The following CFAP44 variants were observed in gnomAD, a reference collection of about 807,000 sequenced individuals.
The protein encoded by CFAP44 is cilia and flagella associated protein 44, also known as cilia- and flagella-associated protein 44.
CFAP44 carries 134 observed loss-of-function variants against 216.2 expected under a neutral mutation model. The observed-to-expected ratio is 0.62, with a 90% confidence interval of 0.54 to 0.72. The LOEUF is 0.72. CFAP44 is among the 30% of genes least tolerant of loss of function. The pLI is 0.00. For synonymous variants in CFAP44, 700 were observed against 727.6 expected, an observed-to-expected ratio of 0.96 and a Z score of 0.61; for missense variants, 2,035 against 2,182.1, an observed-to-expected ratio of 0.93 and a Z score of 1.34.
At position 113,429,723 on chromosome 3, in the gene CFAP44, C is replaced by T. The variant is rs138671839; in HGVS notation, c.101-2384G>A. The stretch of plus-strand genomic sequence containing the variant: ...TTTTCTCCTCCTACCTGTCCTTTTT[C>T]CCTCTTTTTCTCTTTCCATGTTTTC... On this transcript the variant is annotated intron_variant, in intron 2 of 34. Transcript: ENST00000393845. Among the ~76,000 whole-genome samples, 537 of 151,824 alleles carry T rather than the reference C, an allele frequency of 3.5e-3. 3 individuals are homozygous for T. The highest frequency in any genetic ancestry group is 0.012 in the African/African-American group (515 of 41,432).
In CFAP44 at chr3:113,327,777, G is replaced by A. The variant is rs1484215550; in HGVS notation, c.4159C>T (p.Leu1387Phe). 8 of 1,536,832 alleles carry A rather than the reference G, an allele frequency of 5.2e-6. No individual in the cohort carries two copies. In the East Asian group the frequency reaches 1.5e-4, roughly 28 times the overall value. ...VVTFDAELRL[L>F]RHQKLKLDTQ... Reference sequence around the variant, plus strand: ...TCTAGTTTTAGTTTCTGATGTCTAAGGAGACGGAGTTCTGCATCGAAAGTG... The same window carrying A: ...TCTAGTTTTAGTTTCTGATGTCTAAAGAGACGGAGTTCTGCATCGAAAGTG... The change falls in exon 27 of 35, where the codon CTT becomes TTT. Residue 1387 changes from leucine (L) to phenylalanine (F), a missense_variant. Coordinates refer to ENST00000393845, the MANE Select transcript of CFAP44 (RefSeq NM_001164496.2).
At chr3:113,292,584 T>G (rs945621591) in intron 34 of CFAP44, among the ~76,000 whole-genome samples, 1 of 152,204 alleles carries the variant, frequency 6.6e-6, no homozygotes, top group African/African-American at 2.4e-5. Flanking sequence ...ATCCCCAAAA[T>G]GACTCTGAAC....
chr3:113,337,282 C>A (rs900061343), intron 24 of CFAP44, among the ~76,000 whole-genome samples: 2 of 151,710 alleles, frequency 1.3e-5, no homozygotes, highest in African/African-American at 4.8e-5. Context: ...CTGAAAACAG[C>A]AAAACACTGA....
intron 25 of CFAP44, 138 bp downstream of exon 25, chr3:113,333,268 C>A: frequency 1.3e-6 from 1 of 758,618 alleles, no homozygotes; most frequent in Non-Finnish European, 2.1e-6. Context: ...TCTAGATAAT[C>A]ATGGAAGTCT....
intron 22 of CFAP44, among the ~76,000 whole-genome samples, chr3:113,347,250 C>G (rs990904148): frequency 2.0e-5 from 3 of 152,220 alleles, no homozygotes; most frequent in Admixed American, 6.5e-5. Flanking sequence ...TGCCTGGAAA[C>G]AGCTTCCGCT....
rs540495279 is a variant in CFAP44, at chr3:113,372,531, A to G, written c.2444+880T>C. Among the ~76,000 whole-genome samples the G allele has an allele frequency of 8.8e-4, 134 of 152,330 alleles. 6 individuals carry two copies. In the South Asian group the frequency reaches 0.026, roughly 30 times the overall value. On this transcript the variant is annotated intron_variant, in intron 18 of 34. Coordinates refer to ENST00000393845, the MANE Select transcript of CFAP44 (RefSeq NM_001164496.2). ...ACTCATAGGTGGGAATTGAACAATG[A>G]GAACACATGGACACAGGGTAGGGAA... is the stretch of plus-strand genomic sequence containing the variant.
chr3:113,328,728 A>G (rs1289514942), intron 26 of CFAP44, among the ~76,000 whole-genome samples: 1 of 137,472 alleles, frequency 7.3e-6, no homozygotes, highest in South Asian at 2.3e-4. Context: ...AAAAAAAAAA[A>G]CAGAGAGAGA....
intron 9 of CFAP44, among the ~76,000 whole-genome samples, chr3:113,402,853 G>T (rs975785512): frequency 2.0e-5 from 3 of 152,068 alleles, no homozygotes; most frequent in African/African-American, 7.2e-5. Context: ...TAGACATTTT[G>T]GGGTAACGTA....
In CFAP44 at chr3:113,409,110, T is replaced by C; in HGVS notation, c.886A>G (p.Ile296Val). 6.2e-7 allele frequency: 1 copy of C among 1,613,022 alleles called. No individual in the cohort carries two copies. Among genetic ancestry groups the C allele is most frequent in the Non-Finnish European group, 8.5e-7 (1 of 1,179,710 alleles). Residue 296 changes from isoleucine (I) to valine (V), a missense_variant, in exon 7 of 35, where the codon ATC becomes GTC. Physicochemically the swap from Ile to Val is conservative, Grantham distance 29. Around this residue, in one of 3 missense-constraint regions of CFAP44, gnomAD observed 1,883 missense variants for 2,023.7 expected, o/e 0.93. Transcript: ENST00000393845. Reference protein sequence around the residue: ...EQLTTSGSGHIKFWEMAFTFT... With the variant: ...EQLTTSGSGHVKFWEMAFTFT... ...TCTATTGGTTACCCAACCTACTTGA[T>C]GTGGCCTGATCCCGATGTAGTAAGC...
intron 1 of CFAP44, chr3:113,434,513 G>A (rs2107417900): frequency 6.6e-6 from 1 of 152,256 alleles, no homozygotes; most frequent in South Asian, 2.1e-4. Flanking sequence ...CCATTAAAGG[G>A]TTTTAAAGAG....
chr3:113,377,935 G>A (rs1356018099), intron 17 of CFAP44, among the ~76,000 whole-genome samples: 5 of 152,162 alleles, frequency 3.3e-5, no homozygotes, highest in Admixed American at 2.0e-4. Flanking sequence ...ACAGGTGTGA[G>A]CCACTGCACC....
At chr3:113,334,521 C>G (rs893301210) in intron 24 of CFAP44, among the ~76,000 whole-genome samples, 4 of 151,874 alleles carry the variant, frequency 2.6e-5, no homozygotes, top group African/African-American at 7.3e-5. Flanking sequence ...AACTATAGCC[C>G]AGAATACCCA....
chr3:113,358,702 T>C (rs756870742), intron 22 of CFAP44, 43 bp downstream of exon 22: 1 of 1,533,862 alleles, frequency 6.5e-7, no homozygotes, highest in Non-Finnish European at 8.7e-7. Context: ...TATTCACACA[T>C]GTGCTCTCAA....
intron 30 of CFAP44, among the ~76,000 whole-genome samples, chr3:113,305,562 T>C (rs1278389937): frequency 6.6e-6 from 1 of 152,234 alleles, no homozygotes; most frequent in Non-Finnish European, 1.5e-5. Flanking sequence ...AACTATAGTA[T>C]TTCTAAAGCA....
At chr3:113,353,779 C>A (rs763805) in intron 22 of CFAP44, among the ~76,000 whole-genome samples, 28,234 of 151,942 alleles carry the variant, frequency 0.19, 3,165 homozygotes, top group East Asian at 0.41. Flanking sequence ...AGAGAGAGAA[C>A]CAGAGTCAGA....
intron 24 of CFAP44, among the ~76,000 whole-genome samples, chr3:113,335,798 C>T (rs1248038066): frequency 2.0e-5 from 3 of 152,204 alleles, no homozygotes; most frequent in Admixed American, 2.0e-4. Context: ...TCTTTTCAAG[C>T]ACATATTGAA....
intron 21 of CFAP44, chr3:113,360,922 A>AAT: frequency 4.2e-6 from 1 of 237,254 alleles, no homozygotes; most frequent in South Asian, 5.8e-5. Flanking sequence ...TGATGCTACT[A>AAT]ATATAAAAAA....
chr3:113,319,768 T>G lies in CFAP44; in HGVS notation c.4516+6677A>C, dbSNP rs529454959. Among the ~76,000 whole-genome samples the G allele has an allele frequency of 1.1e-4, 16 of 152,118 alleles. No individual in the cohort carries two copies. The East Asian group carries it at 3.1e-3, about 29-fold the overall frequency. ...TACAAAAATCCATACAAAAGATTCA[T>G]GAAACCAAGAGGTTTTTTTCAAAAA... On this transcript the variant is annotated intron_variant, in intron 28 of 34. Coordinates refer to ENST00000393845, the MANE Select transcript of CFAP44 (RefSeq NM_001164496.2).
chr3:113,433,520 C>T (rs753911746), intron 2 of CFAP44, 45 bp downstream of exon 2: 9 of 1,176,702 alleles, frequency 7.6e-6, no homozygotes, highest in Non-Finnish European at 9.6e-6. Context: ...TAAATGTTTA[C>T]CTAAGTTTAA....
Sources: gnomAD v4.1 joint callset for allele counts (sites outside exome capture counted in the v4.1 genomes callset) on GRCh38, gnomAD v4.1.1 for gene constraint, gnomAD v4.1.1 regional missense constraint, MANE v1.5 for transcripts, NCBI Gene and HGNC (gene_info 2026-07-23, HGNC 2026-07-21) for gene names.